SH3D19: variants seen among roughly 807,000 people sequenced by gnomAD.
SH3D19 encodes the protein SH3 domain-containing protein 19.
A neutral mutation model predicts 112.1 loss-of-function variants in SH3D19; 58 were observed. The ratio of observed to expected loss-of-function variants is 0.52; its 90% confidence interval spans 0.42 to 0.64. The LOEUF (loss-of-function observed/expected upper bound fraction) is 0.64, where lower values mean the gene tolerates loss of function less well. SH3D19 is among the 30% of genes least tolerant of loss of function. The pLI, the probability that SH3D19 is intolerant of heterozygous loss-of-function variation, is 0.00. For missense variants in SH3D19, 1,090 were observed against 1,263.4 expected (o/e 0.86, Z 2.08); for synonymous variants, 391 against 448.5 (o/e 0.87, Z 1.62).
intron 1 of SH3D19, chr4:151,277,179 C>T (rs1212220005): frequency 1.3e-6 from 2 of 1,486,044 alleles, no homozygotes; most frequent in African/African-American, 1.4e-5. Flanking sequence ...AGACATGGGC[C>T]CTGCTGGCTG....
chr4:151,176,281 T>A (rs1486991982), intron 6 of SH3D19, among the ~76,000 whole-genome samples: 1 of 152,220 alleles, frequency 6.6e-6, no homozygotes. Context: ...ATACCCACCA[T>A]GAATTATACG....
chr4:151,161,636 A>AT (rs201970887), intron 8 of SH3D19, among the ~76,000 whole-genome samples: 18 of 146,234 alleles, frequency 1.2e-4, no homozygotes, highest in African/African-American at 4.3e-4. Context: ...ATATATATAT[A>AT]TATATTTTAA....
chr4:151,317,961 A>G (rs1730155027), intron 1 of SH3D19, among the ~76,000 whole-genome samples: 1 of 151,574 alleles, frequency 6.6e-6, no homozygotes. Flanking sequence ...ACTGCACTCC[A>G]GCCTGGGCAA....
At chr4:151,142,097 ATATGAC>A (rs1338582031) in intron 12 of SH3D19, among the ~76,000 whole-genome samples, 1 of 152,230 alleles carries the variant, frequency 6.6e-6, no homozygotes, top group African/African-American at 2.4e-5. Flanking sequence ...GGTCTTTCTA[ATATGAC>A]TATAACTGCT....
rs959917013 is a variant in SH3D19, at chr4:151,176,938, A to G, written c.254T>C (p.Ile85Thr). 12 of 1,232,108 alleles carry G rather than the reference A, an allele frequency of 9.7e-6. No homozygotes were observed. The highest frequency in any genetic ancestry group is 1.6e-5 in the African/African-American group (1 of 64,436). The allele number at this position is 1,232,108 out of a possible 1,614,324, so 76.3% of individuals were successfully genotyped here. ...HRDRRRPEITIVAAEPLRPAS... is the reference protein window; with the variant it reads ...HRDRRRPEITTVAAEPLRPAS... ...TGGCCTCAGTGGCTCAGCTGCCACA[A>G]TGGTGATCTCTGGGCGCCTAGTGGA... The change falls in exon 5 of 20, where the codon ATT becomes ACT. Residue 85 changes from isoleucine (I) to threonine (T), a missense_variant. Ile to Thr is a moderately conservative substitution (Grantham distance 89). Transcript: ENST00000604030.
chr4:151,226,546 ACAGC>A (rs1031346896), intron 1 of SH3D19: 22 of 853,460 alleles, frequency 2.6e-5, no homozygotes, highest in African/African-American at 5.5e-5. Context: ...TAAGACCAAT[ACAGC>A]TTCACCCTTA....
chr4:151,188,179 T>C (rs1364043970), intron 2 of SH3D19, among the ~76,000 whole-genome samples: 1 of 152,222 alleles, frequency 6.6e-6, no homozygotes, highest in Non-Finnish European at 1.5e-5. Context: ...ACCCATTTTG[T>C]GGTATTATAG....
intron 1 of SH3D19, chr4:151,291,268 A>G: frequency 6.2e-7 from 1 of 1,614,034 alleles, no homozygotes; most frequent in Non-Finnish European, 8.5e-7. Context: ...CACTATTTCA[A>G]GAGCCAACAA....
At chr4:151,155,525 CAA>C (rs1355001321) in intron 9 of SH3D19, among the ~76,000 whole-genome samples, 1 of 147,986 alleles carries the variant, frequency 6.8e-6, no homozygotes, top group Non-Finnish European at 1.5e-5. Flanking sequence ...AAATTTGGTT[CAA>C]AGACTTAAAA....
chr4:151,143,875 G>A, intron 12 of SH3D19, 35 bp downstream of exon 12: 1 of 1,582,820 alleles, frequency 6.3e-7, no homozygotes, highest in Non-Finnish European at 8.6e-7. Context: ...GCTGCTATGT[G>A]TGATATGAGG....
chr4:151,182,562 A>G (rs1021810654), intron 3 of SH3D19, among the ~76,000 whole-genome samples: 1 of 152,100 alleles, frequency 6.6e-6, no homozygotes, highest in African/African-American at 2.4e-5. Flanking sequence ...CTTCTGCACA[A>G]CCTTCAAGAA....
At chr4:151,318,090 G>A (rs974249164) in intron 1 of SH3D19, among the ~76,000 whole-genome samples, 1 of 151,706 alleles carries the variant, frequency 6.6e-6, no homozygotes, top group Non-Finnish European at 1.5e-5. Flanking sequence ...GAGGTCAGGA[G>A]TTCAAGACCA....
chr4:151,242,505 G>C (rs1345344921), intron 1 of SH3D19, among the ~76,000 whole-genome samples: 1 of 152,146 alleles, frequency 6.6e-6, no homozygotes, highest in Non-Finnish European at 1.5e-5. Context: ...GGCTCAGCCT[G>C]ACTGCAGTCC....
At chr4:151,158,466 A>C (rs1756543960) in intron 9 of SH3D19, among the ~76,000 whole-genome samples, 1 of 151,894 alleles carries the variant, frequency 6.6e-6, no homozygotes, top group Non-Finnish European at 1.5e-5. Context: ...CGTCCGGCTA[A>C]TTTTTGTATT....
chr4:151,169,710 T>C (rs936484584), intron 7 of SH3D19, among the ~76,000 whole-genome samples: 5 of 152,244 alleles, frequency 3.3e-5, no homozygotes, highest in African/African-American at 1.2e-4. Context: ...GGATCATTAG[T>C]ACTAGTTAAA....
At chr4:151,228,271 T>C (rs1039933307) in intron 1 of SH3D19, among the ~76,000 whole-genome samples, 1 of 152,188 alleles carries the variant, frequency 6.6e-6, no homozygotes, top group African/African-American at 2.4e-5. Flanking sequence ...TATAAAATGT[T>C]ACTCCTAAGA....
intron 1 of SH3D19, chr4:151,282,458 T>A: frequency 6.3e-7 from 1 of 1,599,512 alleles, no homozygotes; most frequent in Non-Finnish European, 8.6e-7. Context: ...GTCATCCTCT[T>A]GTACTCCAGA....
chr4:151,198,265 A>C (rs1763779547), intron 2 of SH3D19, among the ~76,000 whole-genome samples: 1 of 149,222 alleles, frequency 6.7e-6, no homozygotes, highest in African/African-American at 2.5e-5. Flanking sequence ...AGATCACACC[A>C]CTGCACTCCA....
chr4:151,176,718 TCTAAGGGCAATAG>T, intron 5 of SH3D19, 31 bp from the exon 6 acceptor site: 1 of 1,230,314 alleles, frequency 8.1e-7, no homozygotes, highest in Non-Finnish European at 1.0e-6. Flanking sequence ...ATTTTAGACA[TCTAAGGGCAATAG>T]CTAAGGTGTT....
Sources: allele counts gnomAD v4.1 joint callset (sites outside exome capture counted in the v4.1 genomes callset), GRCh38; gene constraint gnomAD v4.1.1; transcripts MANE v1.5; gene names NCBI Gene and HGNC (gene_info 2026-07-23, HGNC 2026-07-21).